Variants in DYRK4 observed in about 807,000 individuals in gnomAD.
DYRK4 encodes the protein dual specificity tyrosine phosphorylation regulated kinase 4, also known as dual specificity tyrosine-phosphorylation-regulated kinase 4.
A neutral mutation model predicts 68.3 loss-of-function variants in DYRK4; 64 were observed. The observed-to-expected ratio is 0.94, with a 90% CI of 0.77 to 1.15. The LOEUF (loss-of-function observed/expected upper bound fraction) is 1.15, where lower values mean the gene tolerates loss of function less well. DYRK4 is among the 50% of genes most tolerant of loss of function. The probability of loss-of-function intolerance (pLI) is 0.00; values close to 1 mark genes in which losing one functional copy is unlikely to be tolerated. For missense variants in DYRK4, 740 were observed against 764.7 expected (o/e 0.97, Z 0.38); for synonymous variants, 274 against 289.9 (o/e 0.95, Z 0.56).
At position 4,562,441 on chromosome 12, in the gene DYRK4, TGC is replaced by T. The variant is rs541392316; in HGVS notation, c.38+162_38+163del. ...TGGGTCAGAGAGAGGCGGGCTGTGG[TGC>T]GCGGACAAGAAAATACAGTTGTAGT... On this transcript the variant is annotated intron_variant, in intron 1 of 14. Coordinates refer to ENST00000543431, the MANE Select transcript of DYRK4 (RefSeq NM_001394779.1). Among the ~76,000 whole-genome samples, 32 of 152,314 alleles carry T rather than the reference TGC, an allele frequency of 2.1e-4. No homozygotes were observed. The South Asian group carries it at 6.4e-3, about 31-fold the overall frequency.
At chr12:4,606,681 C>T (rs11063260) in intron 11 of DYRK4, among the ~76,000 whole-genome samples, 1 of 151,964 alleles carries the variant, frequency 6.6e-6, no homozygotes, top group East Asian at 1.9e-4. Flanking sequence ...AGAACGGGGC[C>T]TATGTTTCAA....
rs112868839 is a variant in DYRK4, at chr12:4,589,694, G to A, written c.214-636G>A. 2.8e-3 allele frequency among the ~76,000 whole-genome samples: 428 copies of A among 152,258 alleles called. 2 individuals carry two copies. Among genetic ancestry groups the A allele is most frequent in the African/African-American group, 9.0e-3 (372 of 41,542 alleles). The stretch of plus-strand genomic sequence containing the variant: ...TTATGACTGAATAGTATTCCATTGT[G>A]TTTAAGTATCACATTTTCTTTATTC... On this transcript the variant is annotated intron_variant, in intron 3 of 14. Coordinates refer to ENST00000543431, the MANE Select transcript of DYRK4 (RefSeq NM_001394779.1).
At chr12:4,607,143 AGCC>A (rs1339912715) in intron 11 of DYRK4, among the ~76,000 whole-genome samples, 181 bp from the exon 12 acceptor site, 3 of 152,256 alleles carry the variant, frequency 2.0e-5, no homozygotes, top group African/African-American at 7.2e-5. Context: ...ATATGAAACC[AGCC>A]CTGGATTAGG....
intron 10 of DYRK4, chr12:4,602,310 T>G: frequency 1.1e-6 from 1 of 926,176 alleles, no homozygotes; most frequent in Non-Finnish European, 1.8e-6. Flanking sequence ...TCTTTTTTTC[T>G]TCCTCTTCTT....
intron 7 of DYRK4, 131 bp from the exon 8 acceptor site, chr12:4,596,458 T>C: frequency 1.3e-6 from 2 of 1,493,168 alleles, no homozygotes; most frequent in Middle Eastern, 2.2e-4. Flanking sequence ...GAGAGTGTGG[T>C]ATTTTTAGTG....
intron 2 of DYRK4, among the ~76,000 whole-genome samples, chr12:4,584,704 C>T (rs959787233): frequency 2.6e-5 from 4 of 151,890 alleles, no homozygotes; most frequent in Admixed American, 1.3e-4. Flanking sequence ...TACAGGCGCC[C>T]ACCACCACGC....
intron 6 of DYRK4, among the ~76,000 whole-genome samples, chr12:4,595,583 T>C (rs1945007923): frequency 6.6e-6 from 1 of 152,164 alleles, no homozygotes; most frequent in Non-Finnish European, 1.5e-5. Context: ...TCTGTACTGC[T>C]AACTCCAGGA....
intron 2 of DYRK4, among the ~76,000 whole-genome samples, chr12:4,586,152 G>A (rs1342129992): frequency 2.6e-5 from 4 of 152,324 alleles, no homozygotes; most frequent in African/African-American, 7.2e-5. Flanking sequence ...GAGGCTGGGA[G>A]GTTGAGGCTG....
At chr12:4,593,255 T>C (rs962146615) in intron 6 of DYRK4, 90 bp downstream of exon 6, 10 of 1,439,476 alleles carry the variant, frequency 6.9e-6, no homozygotes, top group African/African-American at 1.4e-5. Context: ...TTTGTAGTAT[T>C]TGGGGCTGAT....
At chr12:4,610,991 C>G (rs774271774) in intron 13 of DYRK4, among the ~76,000 whole-genome samples, 7 of 152,198 alleles carry the variant, frequency 4.6e-5, no homozygotes, top group Non-Finnish European at 8.8e-5. Flanking sequence ...CCATGTGATA[C>G]TTGGCAAGTC....
chr12:4,608,130 AC>A (rs1945175417), intron 12 of DYRK4, among the ~76,000 whole-genome samples: 1 of 152,198 alleles, frequency 6.6e-6, no homozygotes, highest in East Asian at 1.9e-4. Flanking sequence ...CAAATCTCAT[AC>A]CTAAAATCCC....
At chr12:4,590,013 A>G in intron 3 of DYRK4, 2 of 396,806 alleles carry the variant, frequency 5.0e-6, no homozygotes, top group Admixed American at 5.7e-5. Flanking sequence ...CAAAAGCCTT[A>G]TGAGGTAGGC....
At chr12:4,607,078 C>A (rs2137401629) in intron 11 of DYRK4, among the ~76,000 whole-genome samples, 1 of 152,224 alleles carries the variant, frequency 6.6e-6, no homozygotes, top group East Asian at 1.9e-4. Flanking sequence ...GGTGGCCCAC[C>A]CCTAGTTGGT....
chr12:4,573,133 T>A (rs1259274766), intron 2 of DYRK4: 4 of 392,570 alleles, frequency 1.0e-5, no homozygotes, highest in Non-Finnish European at 1.9e-5. Context: ...TAAATGCAAA[T>A]GGAAGACTCG....
intron 2 of DYRK4, among the ~76,000 whole-genome samples, chr12:4,587,135 C>G (rs1175786485): frequency 6.6e-6 from 1 of 152,228 alleles, no homozygotes; most frequent in Admixed American, 6.5e-5. Context: ...TAGTGGTTCA[C>G]TGTTGCCCAC....
intron 2 of DYRK4, chr12:4,572,933 A>G (rs1239116942): frequency 4.5e-6 from 1 of 222,612 alleles, no homozygotes; most frequent in Non-Finnish European, 9.0e-6. Context: ...TCTCATTTCC[A>G]TGTCTCATCA....
chr12:4,583,495 C>G (rs148199599), intron 2 of DYRK4, among the ~76,000 whole-genome samples: 23 of 151,932 alleles, frequency 1.5e-4, no homozygotes, highest in Admixed American at 2.0e-4. Flanking sequence ...CTCGCTACCC[C>G]GTGCTCTGTA....
chr12:4,596,642 A>C lies in DYRK4; in HGVS notation c.818A>C (p.Lys273Thr), dbSNP rs766590751. ...ELKILEALRK[K>T]DKDNTYNVVH... ...AAGATCCTGGAAGCTCTCAGAAAGA[A>C]GGACAAAGACAACACCTACAATGTG... The change falls in exon 8 of 15, where the codon AAG becomes ACG. Residue 273 changes from lysine to threonine, a missense_variant. Around this residue, in one of 3 missense-constraint regions of DYRK4, gnomAD observed 614 missense variants for 603.7 expected, o/e 1.02. Coordinates refer to ENST00000543431, the MANE Select transcript of DYRK4 (RefSeq NM_001394779.1). The C allele has an allele frequency of 6.2e-7, 1 of 1,614,202 alleles. No individual in the cohort carries two copies.
At chr12:4,573,587 G>C (rs1944754466) in intron 2 of DYRK4, among the ~76,000 whole-genome samples, 1 of 152,172 alleles carries the variant, frequency 6.6e-6, no homozygotes, top group Non-Finnish European at 1.5e-5. Flanking sequence ...CGACGTTGAA[G>C]GTGGGGATAA....
Sources: gnomAD v4.1 joint callset for allele counts (sites outside exome capture counted in the v4.1 genomes callset) on GRCh38, gnomAD v4.1.1 for gene constraint, gnomAD v4.1.1 regional missense constraint, MANE v1.5 for transcripts, NCBI Gene and HGNC (gene_info 2026-07-23, HGNC 2026-07-21) for gene names.